SHISAL1: variants seen among roughly 807,000 people sequenced by gnomAD.
The protein encoded by SHISAL1 is shisa like 1, also known as protein shisa-like-1.
A neutral mutation model predicts 22.6 loss-of-function variants in SHISAL1; 9 were observed. That is an observed-to-expected ratio of 0.40 (90% CI 0.24 to 0.70). SHISAL1 has a LOEUF of 0.70. Ranked by LOEUF, SHISAL1 falls within the 30% of genes least tolerant of loss-of-function variation. The pLI is 0.39. For synonymous variants in SHISAL1, 119 were observed against 115.4 expected, an observed-to-expected ratio of 1.03 and a Z score of -0.20; for missense variants, 246 against 270.6, an observed-to-expected ratio of 0.91 and a Z score of 0.64.
intron 4 of SHISAL1, among the ~76,000 whole-genome samples, chr22:44,273,561 C>A (rs1483792887): frequency 6.6e-6 from 1 of 152,238 alleles, no homozygotes; most frequent in Admixed American, 6.5e-5. Flanking sequence ...CCTAAACTCT[C>A]TTGAGCCAGT....
At position 44,302,557 on chromosome 22, in the gene SHISAL1, G is replaced by A. The variant is rs535787536; in HGVS notation, c.-32-1580C>T. Among the ~76,000 whole-genome samples the A allele has an allele frequency of 4.4e-4, 67 of 152,362 alleles. No individual in the cohort carries two copies. In the South Asian group the frequency reaches 7.0e-3, roughly 16 times the overall value. On this transcript the variant is annotated intron_variant, in intron 1 of 4. Coordinates refer to ENST00000381176, the MANE Select transcript of SHISAL1 (RefSeq NM_001099294.2). ...AGGTGACATTTGAGCAGACCTTTGA[G>A]TGAGGCGGGAGAGGCCACGTGGCTG...
At chr22:44,321,394 G>A in the SHISAL1 span, among the ~76,000 whole-genome samples, 5 of 152,126 alleles carry the variant, frequency 3.3e-5, no homozygotes, top group African/African-American at 1.2e-4. Flanking sequence ...CGCTCCCCTT[G>A]CTTGTCAACC....
At chr22:44,285,229 C>A (rs1047855750) in intron 4 of SHISAL1, among the ~76,000 whole-genome samples, 199 bp downstream of exon 4, 1 of 152,218 alleles carries the variant, frequency 6.6e-6, no homozygotes, top group Non-Finnish European at 1.5e-5. Flanking sequence ...CTGTTTCCAC[C>A]TCTCATTTTG....
chr22:44,267,505 C>T (rs1364110505), intron 4 of SHISAL1, among the ~76,000 whole-genome samples: 2 of 152,070 alleles, frequency 1.3e-5, no homozygotes, highest in Non-Finnish European at 1.5e-5. Context: ...ACAGACATGG[C>T]TGCAGCTCGT....
chr22:44,322,437 TG>T, the SHISAL1 span, among the ~76,000 whole-genome samples: 8 of 152,160 alleles, frequency 5.3e-5, no homozygotes, highest in East Asian at 1.5e-3. Flanking sequence ...GACCAGAGAG[TG>T]CCCAGGCTGA....
chr22:44,309,591 A>G (rs1042425547), intron 1 of SHISAL1, among the ~76,000 whole-genome samples: 1 of 152,146 alleles, frequency 6.6e-6, no homozygotes, highest in Admixed American at 6.5e-5. Context: ...AGGGGACTCA[A>G]ACCCCGGGGT....
At position 44,262,909 on chromosome 22, in the gene SHISAL1, T is replaced by C. The variant is rs990004522; in HGVS notation, c.*-13224A>G. Among the ~76,000 whole-genome samples the C allele has an allele frequency of 7.9e-5, 12 of 152,236 alleles. 3 individuals carry two copies. Among genetic ancestry groups the C allele is most frequent in the Admixed American group, 5.9e-4 (9 of 15,286 alleles). ...TGTGGAACATCTGTGACAATAACCC[T>C]TCCCGCAGACGAAAGCAGAGGAGTC... is the stretch of plus-strand genomic sequence containing the variant. On this transcript the variant is annotated intron_variant, in intron 4 of 4. Transcript: ENST00000381176.
the SHISAL1 span, among the ~76,000 whole-genome samples, chr22:44,324,522 A>G: frequency 1.3e-5 from 2 of 152,262 alleles, no homozygotes; most frequent in Admixed American, 6.5e-5. Context: ...TATCAAAGTG[A>G]GAATACAGAG....
chr22:44,316,139 A>G (rs2055557266), upstream of SHISAL1, among the ~76,000 whole-genome samples: 1 of 152,150 alleles, frequency 6.6e-6, no homozygotes, highest in South Asian at 2.1e-4. Context: ...CCCCACGTGG[A>G]ATCCAGATTT....
intron 1 of SHISAL1, among the ~76,000 whole-genome samples, chr22:44,303,602 T>G (rs904259146): frequency 1.3e-5 from 2 of 152,174 alleles, no homozygotes; most frequent in Admixed American, 1.3e-4. Flanking sequence ...TGACTTGGAC[T>G]TCCAGCCTCC....
chr22:44,289,495 T>TGTGTGTGTGTGTGTGTGTG (rs369474296), intron 3 of SHISAL1, among the ~76,000 whole-genome samples: 9 of 149,732 alleles, frequency 6.0e-5, no homozygotes, highest in South Asian at 2.1e-4. Context: ...TGTGTGTGTG[T>TGTGTGTGTGTGTGTGTGTG]TTACTGCCGG....
intron 4 of SHISAL1, among the ~76,000 whole-genome samples, chr22:44,263,061 G>C (rs187734645): frequency 3.6e-5 from 4 of 112,558 alleles, no homozygotes; most frequent in African/African-American, 1.2e-4. Context: ...GAGCCTTCAC[G>C]TATTTTTTTC....
In SHISAL1 at chr22:44,246,842, C is replaced by CATGGCT. The variant is rs2055005483; in HGVS notation, c.*2842_*2843insAGCCAT. 7.5e-5 allele frequency: 1 copy of CATGGCT among 13,342 alleles called. No homozygotes were observed. Among genetic ancestry groups the CATGGCT allele is most frequent in the African/African-American group, 2.9e-4 (1 of 3,436 alleles). The allele number at this position is 13,342 out of a possible 1,614,324, so 0.8% of individuals were successfully genotyped here. On this transcript the variant is annotated 3_prime_UTR_variant, in exon 5 of 5. Coordinates refer to ENST00000381176, the MANE Select transcript of SHISAL1 (RefSeq NM_001099294.2). The stretch of plus-strand genomic sequence containing the variant: ...GGGTGACCTGCAGGAAGGAGGATGC[C>CATGGCT]GTGGCTGTCTGCACCAGGTGTGCTG...
chr22:44,293,448 C>T (rs937287273), intron 3 of SHISAL1, among the ~76,000 whole-genome samples: 1 of 152,138 alleles, frequency 6.6e-6, no homozygotes. Context: ...TCAGTGGAGG[C>T]CATCGGGATG....
At chr22:44,275,266 G>A (rs906304434) in intron 4 of SHISAL1, among the ~76,000 whole-genome samples, 5 of 152,146 alleles carry the variant, frequency 3.3e-5, no homozygotes, top group African/African-American at 1.2e-4. Context: ...TTCACAAATG[G>A]TGCAGGGGAA....
chr22:44,328,456 A>G, the SHISAL1 span, among the ~76,000 whole-genome samples: 2 of 152,108 alleles, frequency 1.3e-5, no homozygotes, highest in South Asian at 4.1e-4. Flanking sequence ...GCCAAGTGCA[A>G]CCCTAGTGCT....
At chr22:44,331,434 G>C in the SHISAL1 span, among the ~76,000 whole-genome samples, 1 of 149,286 alleles carries the variant, frequency 6.7e-6, no homozygotes, top group South Asian at 2.1e-4. This position sits in a 1 kb window ranked among gnomAD's most constrained non-coding sequence, Gnocchi z 5.2. Context: ...CTCGGACCCC[G>C]GCCCAGGCGC....
chr22:44,267,618 C>A (rs767446643), intron 4 of SHISAL1, among the ~76,000 whole-genome samples: 1 of 152,200 alleles, frequency 6.6e-6, no homozygotes, highest in South Asian at 2.1e-4. Context: ...ACCGAGAAGC[C>A]CACATCTTAC....
chr22:44,289,386 G>A (rs369164997), intron 3 of SHISAL1, among the ~76,000 whole-genome samples: 4 of 152,238 alleles, frequency 2.6e-5, no homozygotes, highest in African/African-American at 9.6e-5. Flanking sequence ...GCTTGTCCCG[G>A]CCCACCCTCT....
Sources: allele counts gnomAD v4.1 joint callset (sites outside exome capture counted in the v4.1 genomes callset), GRCh38; gene constraint gnomAD v4.1.1; non-coding constraint Gnocchi (gnomAD v3.1); transcripts MANE v1.5; gene names NCBI Gene and HGNC (gene_info 2026-07-23, HGNC 2026-07-21).